Variants in CADPS observed in about 807,000 individuals in gnomAD.
CADPS encodes the protein calcium dependent secretion activator.
In CADPS, 57 loss-of-function variants were observed where a neutral mutation model predicts 167.3. That is an observed-to-expected ratio of 0.34 (90% CI 0.28 to 0.42). The LOEUF (loss-of-function observed/expected upper bound fraction) is 0.42. Among genes scored for constraint, CADPS ranks in the 20% least tolerant of loss-of-function variants. The pLI is 1.00. For synonymous variants in CADPS, 676 were observed against 635.3 expected (o/e 1.06, Z -0.96); for missense variants, 1,414 against 1,738.1 (o/e 0.81, Z 3.32).
rs566167852 is a variant in CADPS at position 62,399,210 on chromosome 3, A to G, written c.*196T>C. On this transcript the variant is annotated 3_prime_UTR_variant, in exon 30 of 30. Transcript: ENST00000383710. This position sits in a 1 kb window ranked among gnomAD's most constrained non-coding sequence, Gnocchi z 5.6. ...CTCCATATTGCTTGTAAACATATAG[A>G]CATGGACATCAGGAAATCAGTGGAT... 2 of 568,902 alleles carry G rather than the reference A, an allele frequency of 3.5e-6. No individual in the cohort carries two copies. Among genetic ancestry groups the G allele is most frequent in the East Asian group, 3.0e-5 (1 of 33,886 alleles). 35.2% of individuals were successfully genotyped at this position (568,902 alleles called of 1,614,324 possible). A position where few individuals can be genotyped will look rare whatever the true frequency, so the allele number is the denominator to read the frequency against.
At chr3:62,788,753 C>G (rs950175740) in intron 1 of CADPS, among the ~76,000 whole-genome samples, 2 of 152,128 alleles carry the variant, frequency 1.3e-5, no homozygotes, top group African/African-American at 4.8e-5. Flanking sequence ...TCTTTTTGTA[C>G]TCTACCAGAG....
intron 27 of CADPS, among the ~76,000 whole-genome samples, chr3:62,441,489 C>G (rs1441365423): frequency 6.6e-6 from 1 of 152,190 alleles, no homozygotes; most frequent in Non-Finnish European, 1.5e-5. Context: ...GGGTCAAAAA[C>G]TACATCTAAA....
chr3:62,546,341 T>C (rs545656825), intron 11 of CADPS, among the ~76,000 whole-genome samples: 9 of 152,284 alleles, frequency 5.9e-5, no homozygotes, highest in Admixed American at 3.9e-4. Context: ...TGCTCAGGAT[T>C]GAAGCGTTTC....
chr3:62,721,139 A>ATTTTTTTT (rs1268261563), intron 3 of CADPS, among the ~76,000 whole-genome samples: 219 of 113,080 alleles, frequency 1.9e-3, no homozygotes, highest in African/African-American at 8.2e-3. Flanking sequence ...TTTTTTAAAA[A>ATTTTTTTT]AAAAAAGAAG....
chr3:62,668,983 C>T (rs933405852), intron 3 of CADPS, among the ~76,000 whole-genome samples: 3 of 152,308 alleles, frequency 2.0e-5, no homozygotes, highest in Admixed American at 6.5e-5. Flanking sequence ...TGTGTTCCAG[C>T]AAGTGCCATT....
chr3:62,833,841 A>T (rs886737704), intron 1 of CADPS, among the ~76,000 whole-genome samples: 1 of 152,072 alleles, frequency 6.6e-6, no homozygotes, highest in African/African-American at 2.4e-5. Flanking sequence ...TTTTGAGAAA[A>T]CTACTCTGGT....
chr3:62,400,987 G>T (rs1705875043), intron 29 of CADPS, among the ~76,000 whole-genome samples: 1 of 152,186 alleles, frequency 6.6e-6, no homozygotes, highest in South Asian at 2.1e-4. Context: ...ATGTTGTAAT[G>T]ACTACAGAGT....
intron 1 of CADPS, among the ~76,000 whole-genome samples, chr3:62,856,259 T>A (rs531644039): frequency 6.6e-6 from 1 of 152,288 alleles, no homozygotes; most frequent in East Asian, 1.9e-4. Context: ...TAGTAAATGT[T>A]ACAATTTACT....
intron 1 of CADPS, among the ~76,000 whole-genome samples, chr3:62,821,005 T>C (rs1055855193): frequency 6.6e-6 from 1 of 152,090 alleles, no homozygotes; most frequent in Non-Finnish European, 1.5e-5. Context: ...TTCACCATGT[T>C]GGCCAGGCTA....
At chr3:62,626,678 G>T in intron 6 of CADPS, 1 of 656,172 alleles carries the variant, frequency 1.5e-6, no homozygotes, top group Non-Finnish European at 2.8e-6. Flanking sequence ...TCCTTCTGCA[G>T]GGAACAGAAT....
chr3:62,493,552 G>A (rs2064107806), intron 19 of CADPS, 93 bp downstream of exon 19: 1 of 926,722 alleles, frequency 1.1e-6, no homozygotes, highest in Admixed American at 2.3e-5. Context: ...GCTCTTCTGT[G>A]ATCTATTAGT....
chr3:62,657,635 T>C (rs2072013189), intron 4 of CADPS, among the ~76,000 whole-genome samples: 1 of 152,198 alleles, frequency 6.6e-6, no homozygotes, highest in African/African-American at 2.4e-5. Flanking sequence ...TCATATTTCT[T>C]TCTGGAACTT....
chr3:62,500,161 T>C (rs557558942), intron 17 of CADPS: 1 of 151,884 alleles, frequency 6.6e-6, no homozygotes, highest in Non-Finnish European at 1.5e-5. Context: ...CTTTTTCTTG[T>C]TTTTTTTGGA....
At chr3:62,435,345 G>T (rs901148911) in intron 28 of CADPS, among the ~76,000 whole-genome samples, 5 of 152,100 alleles carry the variant, frequency 3.3e-5, no homozygotes, top group South Asian at 2.1e-4. Flanking sequence ...TGTACACAAA[G>T]AAATAAACAC....
intron 2 of CADPS, among the ~76,000 whole-genome samples, chr3:62,761,245 A>G (rs1408679925): frequency 6.6e-6 from 1 of 152,164 alleles, no homozygotes; most frequent in Non-Finnish European, 1.5e-5. Context: ...TATGATGATG[A>G]TGATGATTAG....
chr3:62,638,245 A>G (rs2066721609), intron 6 of CADPS, among the ~76,000 whole-genome samples: 2 of 152,058 alleles, frequency 1.3e-5, no homozygotes, highest in African/African-American at 4.8e-5. Flanking sequence ...CTGCTTGTGA[A>G]CACTGATGAA....
intron 1 of CADPS, among the ~76,000 whole-genome samples, chr3:62,780,813 G>C (rs1279237313): frequency 2.6e-5 from 4 of 152,046 alleles, no homozygotes; most frequent in African/African-American, 9.7e-5. Context: ...CATCTTGCTA[G>C]TTCCTTCATT....
chr3:62,827,325 C>T (rs967442937), intron 1 of CADPS, among the ~76,000 whole-genome samples: 27 of 152,144 alleles, frequency 1.8e-4, no homozygotes, highest in African/African-American at 6.5e-4. Flanking sequence ...CTGGGGGACA[C>T]CTAATACCTT....
Position 62,662,315 on chromosome 3 carries a change from C to G in CADPS, c.968G>C (p.Arg323Thr), listed in dbSNP as rs900863254. Residue 323 changes from arginine to threonine, a missense_variant and splice_region_variant, in exon 4 of 30, where the codon AGG (arginine) becomes ACG (threonine). Coordinates refer to ENST00000383710, the MANE Select transcript of CADPS (RefSeq NM_003716.4). ...GRLQMADQIARERKFPKFVSK... is the reference protein window; with the variant it reads ...GRLQMADQIATERKFPKFVSK... Reference sequence around the variant, plus strand: ...CAAACAACCACAATGTTTCCTTACCCTGGCTATTTGGTCTGCCATTTGTAG... The same window carrying G: ...CAAACAACCACAATGTTTCCTTACCGTGGCTATTTGGTCTGCCATTTGTAG... 9.9e-6 allele frequency: 16 copies of G among 1,613,370 alleles called. No homozygotes were observed. The highest frequency in any genetic ancestry group is 1.3e-5 in the African/African-American group (1 of 74,912).
Sources: gnomAD v4.1 joint callset for allele counts (sites outside exome capture counted in the v4.1 genomes callset) on GRCh38, gnomAD v4.1.1 for gene constraint, Gnocchi (gnomAD v3.1) non-coding constraint, MANE v1.5 for transcripts, NCBI Gene and HGNC (gene_info 2026-07-23, HGNC 2026-07-21) for gene names.